Variants in CDK6 observed in about 807,000 individuals in gnomAD.
The protein encoded by CDK6 is cyclin dependent kinase 6, also known as cyclin-dependent kinase 6.
In CDK6, 6 loss-of-function variants were observed where a neutral mutation model predicts 37.1. That is an observed-to-expected ratio of 0.16 (90% CI 0.09 to 0.32). The LOEUF is 0.32. Ranked by LOEUF, CDK6 falls within the 10% of genes least tolerant of loss-of-function variation. The pLI, the probability that CDK6 is intolerant of heterozygous loss-of-function variation, is 1.00. For missense variants in CDK6, 224 were observed against 418.9 expected (o/e 0.53, Z 4.06); for synonymous variants, 160 against 161.3 (o/e 0.99, Z 0.06).
intron 3 of CDK6, among the ~76,000 whole-genome samples, chr7:92,757,391 G>A (rs1332464725): frequency 6.6e-6 from 1 of 152,168 alleles, no homozygotes; most frequent in Non-Finnish European, 1.5e-5. Context: ...ACTTACAAGT[G>A]AGGACATGCA....
chr7:92,735,295 G>A (rs1798759194), intron 3 of CDK6, among the ~76,000 whole-genome samples: 1 of 151,808 alleles, frequency 6.6e-6, no homozygotes, highest in Non-Finnish European at 1.5e-5. Context: ...TTTTAGAATC[G>A]GGGGTATATG....
At chr7:92,646,921 A>C (rs1796465392) in intron 5 of CDK6, among the ~76,000 whole-genome samples, 1 of 152,236 alleles carries the variant, frequency 6.6e-6, no homozygotes, top group Non-Finnish European at 1.5e-5. Flanking sequence ...ATTTAAAATT[A>C]AGTGCTTTCT....
intron 2 of CDK6, among the ~76,000 whole-genome samples, chr7:92,780,760 T>A (rs1584082906): frequency 1.7e-5 from 2 of 118,584 alleles, no homozygotes; most frequent in African/African-American, 6.6e-5. Flanking sequence ...CGAGACTCCA[T>A]CTCAAAAAAA....
intron 4 of CDK6, among the ~76,000 whole-genome samples, chr7:92,682,588 T>C (rs924700871): frequency 2.0e-5 from 3 of 152,220 alleles, no homozygotes; most frequent in Non-Finnish European, 2.9e-5. Flanking sequence ...AAGTGGACTT[T>C]TAATCCCAGT....
At position 92,686,410 on chromosome 7, in the gene CDK6, C is replaced by T. The variant is rs200725448; in HGVS notation, c.538-14875G>A. Among the ~76,000 whole-genome samples, 89 of 152,182 alleles carry T rather than the reference C, an allele frequency of 5.8e-4. 1 individual carries two copies. Among genetic ancestry groups the T allele is most frequent in the South Asian group, 3.7e-3 (18 of 4,820 alleles). ...CCTGAGTTACTTCACTTAGAATAAT[C>T]GTCTCCAATTCCATCCAGGTTGCTG... On this transcript the variant is annotated intron_variant, in intron 4 of 7. Coordinates refer to ENST00000424848, the MANE Select transcript of CDK6 (RefSeq NM_001145306.2).
intron 3 of CDK6, among the ~76,000 whole-genome samples, chr7:92,756,995 CAAAG>C (rs991636292): frequency 1.3e-5 from 2 of 152,006 alleles, no homozygotes; most frequent in African/African-American, 2.4e-5. Flanking sequence ...GAAAAAAACA[CAAAG>C]GAAGAAGTCA....
Position 92,605,375 on chromosome 7 carries a change from A to T in CDK6, c.*9765T>A, listed in dbSNP as rs1007087001. 7.7e-5 allele frequency: 18 copies of T among 233,322 alleles called. No homozygotes were observed. Among genetic ancestry groups the T allele is most frequent in the Admixed American group, 6.2e-4 (11 of 17,772 alleles). The allele number at this position is 233,322 out of a possible 1,614,324, so 14.5% of individuals were successfully genotyped here. A position where few individuals can be genotyped will look rare whatever the true frequency, so the allele number is the denominator to read the frequency against. On this transcript the variant is annotated 3_prime_UTR_variant, in exon 8 of 8. Coordinates refer to ENST00000424848, the MANE Select transcript of CDK6 (RefSeq NM_001145306.2). ...CTCCCTTTCCCAATAAGTCAGAGTA[A>T]GGGGCAGGTAAGAATGGCTATCTGA... is the stretch of plus-strand genomic sequence containing the variant.
chr7:92,769,507 T>TA (rs1374578351), intron 3 of CDK6, among the ~76,000 whole-genome samples: 2 of 152,316 alleles, frequency 1.3e-5, no homozygotes, highest in Non-Finnish European at 2.9e-5. Flanking sequence ...CATTTTTTTT[T>TA]ATCAAACATG....
chr7:92,804,447 C>A (rs1407776656), intron 2 of CDK6, among the ~76,000 whole-genome samples: 1 of 152,186 alleles, frequency 6.6e-6, no homozygotes, highest in African/African-American at 2.4e-5. Context: ...TAACTCCGTC[C>A]ATTTCAGCCA....
At chr7:92,677,940 G>A (rs569290914) in intron 4 of CDK6, among the ~76,000 whole-genome samples, 2 of 152,308 alleles carry the variant, frequency 1.3e-5, no homozygotes, top group African/African-American at 2.4e-5. Flanking sequence ...CCTTTGCTTA[G>A]ACATTATTAT....
At chr7:92,770,522 T>C (rs986876107) in intron 3 of CDK6, among the ~76,000 whole-genome samples, 4 of 152,134 alleles carry the variant, frequency 2.6e-5, no homozygotes, top group African/African-American at 9.7e-5. Flanking sequence ...ACTATCAACC[T>C]TTATTAGTAC....
At chr7:92,700,223 C>T (rs1386045294) in intron 4 of CDK6, among the ~76,000 whole-genome samples, 1 of 152,128 alleles carries the variant, frequency 6.6e-6, no homozygotes, top group African/African-American at 2.4e-5. Context: ...GGACTTTATC[C>T]TGAGGAGAAG....
intron 5 of CDK6, among the ~76,000 whole-genome samples, chr7:92,657,128 C>G (rs564642516): frequency 6.6e-6 from 1 of 151,948 alleles, no homozygotes; most frequent in East Asian, 1.9e-4. Flanking sequence ...AATTGGCTTT[C>G]AATGTATAAA....
chr7:92,801,611 C>T (rs888178238), intron 2 of CDK6, among the ~76,000 whole-genome samples: 1 of 151,960 alleles, frequency 6.6e-6, no homozygotes, highest in Non-Finnish European at 1.5e-5. Flanking sequence ...AAAGAATATT[C>T]TCTTTCCCTC....
intron 2 of CDK6, among the ~76,000 whole-genome samples, chr7:92,832,683 T>C (rs1801521303): frequency 6.6e-6 from 1 of 152,194 alleles, no homozygotes; most frequent in Non-Finnish European, 1.5e-5. Context: ...CAGTCTCACC[T>C]ACTCTGTCTT....
intron 5 of CDK6, among the ~76,000 whole-genome samples, chr7:92,626,561 GT>G (rs1182033151): frequency 2.0e-5 from 3 of 152,078 alleles, no homozygotes; most frequent in Non-Finnish European, 2.9e-5. Context: ...TAGAAAAAGT[GT>G]TTTAGAAAGA....
At chr7:92,742,597 C>T (rs542251948) in intron 3 of CDK6, among the ~76,000 whole-genome samples, 1 of 152,266 alleles carries the variant, frequency 6.6e-6, no homozygotes, top group South Asian at 2.1e-4. Context: ...AATATACATA[C>T]ACACACAACC....
At chr7:92,683,413 G>C (rs1797379399) in intron 4 of CDK6, among the ~76,000 whole-genome samples, 1 of 152,230 alleles carries the variant, frequency 6.6e-6, no homozygotes, top group South Asian at 2.1e-4. Flanking sequence ...GTTAGTGCAA[G>C]TGATGAGGGA....
rs1795524229 is a variant in CDK6, at chr7:92,609,876, C to A, written c.*5264G>T. On this transcript the variant is annotated 3_prime_UTR_variant, in exon 8 of 8. Transcript: ENST00000424848. ...TAAATGATCAAAATGGGTGTATTAT[C>A]CATCCTTAAGAACAATTTATTTGCA... 4.3e-6 allele frequency: 1 copy of A among 230,528 alleles called. No individual in the cohort carries two copies. Among genetic ancestry groups the A allele is most frequent in the East Asian group, 6.2e-5 (1 of 16,126 alleles). The allele number at this position is 230,528 out of a possible 1,614,324, so 14.3% of individuals were successfully genotyped here.
Sources: allele counts gnomAD v4.1 joint callset (sites outside exome capture counted in the v4.1 genomes callset), GRCh38; gene constraint gnomAD v4.1.1; transcripts MANE v1.5; gene names NCBI Gene and HGNC (gene_info 2026-07-23, HGNC 2026-07-21).